The following AK8 variants were observed in gnomAD, a reference collection of about 807,000 sequenced individuals.
AK8 encodes ATP-AMP transphosphorylase 8.
Under a neutral mutation model 54.6 loss-of-function variants are expected in AK8, and 44 were observed. That is an observed-to-expected ratio of 0.81 (90% CI 0.63 to 1.04). AK8 has a LOEUF of 1.04. Ranked by LOEUF, AK8 falls within the 50% of genes least tolerant of loss-of-function variation. The probability of loss-of-function intolerance (pLI) is 0.00; values close to 1 mark genes in which losing one functional copy is unlikely to be tolerated. For missense variants in AK8, 555 were observed against 613.6 expected, an observed-to-expected ratio of 0.90 and a Z score of 1.01; for synonymous variants, 239 against 245.6, an observed-to-expected ratio of 0.97 and a Z score of 0.25.
At chr9:132,840,230 A>G (rs1050461937) in intron 5 of AK8, among the ~76,000 whole-genome samples, 2 of 152,140 alleles carry the variant, frequency 1.3e-5, no homozygotes, top group African/African-American at 4.8e-5. Context: ...AGCATCAAGA[A>G]AGCAAATTCC....
At chr9:132,809,214 T>C (rs1464218725) in intron 10 of AK8, among the ~76,000 whole-genome samples, 1 of 152,162 alleles carries the variant, frequency 6.6e-6, no homozygotes, top group African/African-American at 2.4e-5. Flanking sequence ...GAATCTGGGA[T>C]GTCTCCAATG....
At chr9:132,740,460 C>T (rs146975588) in intron 11 of AK8, among the ~76,000 whole-genome samples, 12 of 152,312 alleles carry the variant, frequency 7.9e-5, no homozygotes, top group South Asian at 2.1e-4. Context: ...CTCTCCATCA[C>T]GGAGCTCATC....
At position 132,828,730 on chromosome 9, in the gene AK8, G is replaced by A. The variant is rs1362662934; in HGVS notation, c.403-4C>T. 1.9e-6 allele frequency: 3 copies of A among 1,605,016 alleles called. No individual in the cohort carries two copies. Among genetic ancestry groups the A allele is most frequent in the East Asian group, 2.2e-5 (1 of 44,592 alleles). On this transcript the variant is annotated splice_polypyrimidine_tract_variant and splice_region_variant and intron_variant, in intron 5 of 12. Coordinates refer to ENST00000298545, the MANE Select transcript of AK8 (RefSeq NM_152572.3). The stretch of plus-strand genomic sequence containing the variant: ...GGATGCCATCCAGAATCCAGCCCTA[G>A]ACAGAAGATTCAGAGAGGTGCTCAT...
chr9:132,825,406 TTTAA>T (rs1841831088), intron 8 of AK8, among the ~76,000 whole-genome samples: 1 of 152,216 alleles, frequency 6.6e-6, no homozygotes, highest in South Asian at 2.1e-4. Flanking sequence ...AACTTTTAAA[TTTAA>T]TTAAGTAATT....
intron 11 of AK8, among the ~76,000 whole-genome samples, chr9:132,757,563 C>T (rs1052555211): frequency 6.6e-6 from 1 of 152,190 alleles, no homozygotes; most frequent in Non-Finnish European, 1.5e-5. Flanking sequence ...GTATGCACTA[C>T]CTGACTGACC....
intron 7 of AK8, 72 bp from the exon 8 acceptor site, chr9:132,827,126 G>A: frequency 6.6e-7 from 1 of 1,510,428 alleles, no homozygotes; most frequent in East Asian, 2.3e-5. Context: ...GCCTGGCTGG[G>A]GTGCTTGCTG....
At chr9:132,745,142 C>T (rs529285628) in intron 11 of AK8, among the ~76,000 whole-genome samples, 9 of 152,260 alleles carry the variant, frequency 5.9e-5, no homozygotes, top group South Asian at 2.1e-4. Context: ...CTGAAATTAA[C>T]GAATTAATGA....
chr9:132,840,192 G>A (rs1428820874), intron 5 of AK8, among the ~76,000 whole-genome samples: 1 of 152,000 alleles, frequency 6.6e-6, no homozygotes, highest in Non-Finnish European at 1.5e-5. Flanking sequence ...CATGAGTTTT[G>A]GAGAGGACAA....
intron 5 of AK8, among the ~76,000 whole-genome samples, chr9:132,838,437 C>T (rs1024331914): frequency 7.2e-5 from 11 of 152,170 alleles, no homozygotes; most frequent in Non-Finnish European, 1.6e-4. Context: ...AAAGGAAACA[C>T]CCCCGGCCAG....
chr9:132,878,714 A>AGAT, upstream of AK8: 29 of 987,996 alleles, frequency 2.9e-5, no homozygotes, highest in Non-Finnish European at 3.5e-5. The surrounding 1 kb of genome is among the most constrained non-coding windows in gnomAD (Gnocchi z 4.7). Flanking sequence ...GGCGTCCATG[A>AGAT]GATGGGCCGG....
intron 12 of AK8, 64 bp from the exon 13 acceptor site, chr9:132,725,989 C>A: frequency 6.8e-7 from 1 of 1,476,444 alleles, no homozygotes; most frequent in Non-Finnish European, 9.3e-7. Flanking sequence ...AGAAAGGGAC[C>A]CTCTACTCTA....
intron 2 of AK8, among the ~76,000 whole-genome samples, chr9:132,874,152 G>T (rs571259439): frequency 6.6e-6 from 1 of 152,194 alleles, no homozygotes; most frequent in African/African-American, 2.4e-5. Flanking sequence ...GGGCCTTTTT[G>T]TTGGCCCTTT....
chr9:132,751,225 A>T (rs1238713717), intron 11 of AK8, among the ~76,000 whole-genome samples: 1 of 151,478 alleles, frequency 6.6e-6, no homozygotes, highest in Non-Finnish European at 1.5e-5. Flanking sequence ...GTCTACTAAA[A>T]ATACAAAAAT....
intron 11 of AK8, among the ~76,000 whole-genome samples, chr9:132,765,110 C>A (rs547456877): frequency 6.6e-6 from 1 of 151,276 alleles, no homozygotes; most frequent in Non-Finnish European, 1.5e-5. Flanking sequence ...CTGGGCAACA[C>A]GGTGAAACCG....
chr9:132,742,438 C>T (rs1421352569), intron 11 of AK8, among the ~76,000 whole-genome samples: 2 of 152,210 alleles, frequency 1.3e-5, no homozygotes, highest in Admixed American at 1.3e-4. Context: ...TCCCAAAGTA[C>T]TGGGATTACA....
Position 132,828,671 on chromosome 9 carries a change from G to A in AK8, c.458C>T (p.Thr153Ile). Reference protein sequence around the residue: ...ETREQALRIQTLGITPRHVIV... With the variant: ...ETREQALRIQILGITPRHVIV... ...GACGTGTCTGGGTGTGATCCCCAGG[G>A]TCTGGATCCTCAGAGCCTGCTCACG... Residue 153 changes from threonine to isoleucine, a missense_variant, in exon 6 of 13, where the codon ACC becomes ATC. Transcript: ENST00000298545. 1.2e-6 allele frequency: 2 copies of A among 1,612,672 alleles called. No individual in the cohort carries two copies. Among genetic ancestry groups the A allele is most frequent in the East Asian group, 4.5e-5 (2 of 44,864 alleles).
chr9:132,850,690 G>A (rs1185356550), intron 5 of AK8, among the ~76,000 whole-genome samples: 1 of 151,928 alleles, frequency 6.6e-6, no homozygotes, highest in African/African-American at 2.4e-5. Context: ...GGGCCACCAC[G>A]CCCGGCCAAT....
At chr9:132,816,611 C>A (rs989336571) in intron 9 of AK8, among the ~76,000 whole-genome samples, 1 of 152,098 alleles carries the variant, frequency 6.6e-6, no homozygotes, top group African/African-American at 2.4e-5. Flanking sequence ...CCAGTTCTGG[C>A]CATGAAGGAG....
At chr9:132,768,478 G>C (rs1255050108) in intron 11 of AK8, among the ~76,000 whole-genome samples, 2 of 152,158 alleles carry the variant, frequency 1.3e-5, no homozygotes, top group East Asian at 3.9e-4. Context: ...TGTTTGTCAG[G>C]CTGATCTCAA....
Sources: allele counts gnomAD v4.1 joint callset (sites outside exome capture counted in the v4.1 genomes callset), GRCh38; gene constraint gnomAD v4.1.1; non-coding constraint Gnocchi (gnomAD v3.1); transcripts MANE v1.5; gene names NCBI Gene and HGNC (gene_info 2026-07-23, HGNC 2026-07-21).